The following MYO1H variants were observed in gnomAD, a reference collection of about 807,000 sequenced individuals.
MYO1H encodes the protein unconventional myosin-Ih.
A neutral mutation model predicts 149.3 loss-of-function variants in MYO1H; 118 were observed. The ratio of observed to expected loss-of-function variants is 0.79; its 90% CI spans 0.68 to 0.92. The LOEUF (loss-of-function observed/expected upper bound fraction) is 0.92, where lower values mean the gene tolerates loss of function less well. MYO1H is among the 40% of genes least tolerant of loss of function. The pLI, the probability that MYO1H is intolerant of heterozygous loss-of-function variation, is 0.00. For synonymous variants in MYO1H, 447 were observed against 465.2 expected, an observed-to-expected ratio of 0.96 and a Z score of 0.50; for missense variants, 1,212 against 1,280.7, an observed-to-expected ratio of 0.95 and a Z score of 0.82.
chr12:109,423,641 G>C (rs1248950207), intron 16 of MYO1H, among the ~76,000 whole-genome samples: 1 of 152,126 alleles, frequency 6.6e-6, no homozygotes, highest in Non-Finnish European at 1.5e-5. Flanking sequence ...CTACCTCTAT[G>C]AACTTCAGTC....
At chr12:109,407,336 T>C (rs2137058614) in intron 9 of MYO1H, among the ~76,000 whole-genome samples, 1 of 152,244 alleles carries the variant, frequency 6.6e-6, no homozygotes, top group Admixed American at 6.5e-5. Context: ...AGGTCAGGAC[T>C]GTGTGTCTGG....
chr12:109,374,820 A>G (rs1869055599), intron 1 of MYO1H, among the ~76,000 whole-genome samples: 1 of 151,492 alleles, frequency 6.6e-6, no homozygotes, highest in African/African-American at 2.4e-5. Context: ...ATTCCGGTGC[A>G]TATTAATTTG....
intron 1 of MYO1H, among the ~76,000 whole-genome samples, chr12:109,383,121 C>G (rs986969070): frequency 2.0e-5 from 3 of 152,070 alleles, no homozygotes; most frequent in Admixed American, 1.3e-4. Flanking sequence ...CAGTGAAACT[C>G]TCACCCCCTA....
intron 10 of MYO1H, among the ~76,000 whole-genome samples, chr12:109,409,240 C>CTTTTTTTTTTT (rs1870542742): frequency 4.4e-5 from 4 of 91,032 alleles, no homozygotes; most frequent in Non-Finnish European, 7.9e-5. Context: ...TCTTCTTCTT[C>CTTTTTTTTTTT]TTCTTCTTTT....
chr12:109,364,171 TAAAAAAAAAAA>T (rs746308903), intron 1 of MYO1H, among the ~76,000 whole-genome samples: 10 of 90,266 alleles, frequency 1.1e-4, no homozygotes, highest in Non-Finnish European at 2.0e-4. Context: ...ACCATGTCTT[TAAAAAAAAAAA>T]AAAAAAAAAA....
At chr12:109,314,315 A>G in the MYO1H span, among the ~76,000 whole-genome samples, 1 of 149,772 alleles carries the variant, frequency 6.7e-6, no homozygotes, top group Non-Finnish European at 1.5e-5. Flanking sequence ...ATTGATACTC[A>G]CCAGGCCCTG....
chr12:109,346,480 G>A (rs1283517002), upstream of MYO1H, among the ~76,000 whole-genome samples: 1 of 152,146 alleles, frequency 6.6e-6, no homozygotes, highest in Admixed American at 6.5e-5. Flanking sequence ...AATCATATAG[G>A]CCAGGCGCGA....
chr12:109,436,391 G>A, intron 21 of MYO1H, 97 bp from the exon 22 acceptor site: 1 of 792,146 alleles, frequency 1.3e-6, no homozygotes, highest in Admixed American at 2.1e-5. Context: ...GGACTTTGAT[G>A]CCCCCTTCCA....
chr12:109,314,236 T>TA, the MYO1H span, among the ~76,000 whole-genome samples: 178 of 141,092 alleles, frequency 1.3e-3, 1 homozygote, highest in African/African-American at 3.9e-3. Context: ...TTAAGCTTTT[T>TA]AAAAAAAAAA....
chr12:109,354,021 G>T (rs1868526009), intron 1 of MYO1H: 1 of 143,286 alleles, frequency 7.0e-6, no homozygotes, highest in Non-Finnish European at 1.5e-5. Context: ...ATTTTTTCCA[G>T]AATGTCTAAA....
At chr12:109,318,960 GTTTTTGGTTTTGTTTTTT>G in the MYO1H span, among the ~76,000 whole-genome samples, 2 of 77,938 alleles carry the variant, frequency 2.6e-5, no homozygotes, top group East Asian at 3.9e-4. Context: ...AACTCTCTGC[GTTTTTGGTTTTGTTTTTT>G]TTTTTTTTTT....
chr12:109,334,604 T>C, the MYO1H span, among the ~76,000 whole-genome samples: 6 of 152,208 alleles, frequency 3.9e-5, no homozygotes. Context: ...TCTCACAAGC[T>C]CAAGTTTCCT....
chr12:109,411,779 C>A, intron 13 of MYO1H, 115 bp from the exon 14 acceptor site: 1 of 676,840 alleles, frequency 1.5e-6, no homozygotes, highest in East Asian at 3.1e-5. Flanking sequence ...CCTGCACTTA[C>A]ATGAATTGAC....
At chr12:109,364,009 T>C (rs1432178606) in intron 1 of MYO1H, among the ~76,000 whole-genome samples, 1 of 151,282 alleles carries the variant, frequency 6.6e-6, no homozygotes, top group Non-Finnish European at 1.5e-5. Context: ...AGACCAGCTT[T>C]ACCAACATGG....
At chr12:109,445,813 GAAA>G (rs950193112) in intron 31 of MYO1H, 13 of 985,148 alleles carry the variant, frequency 1.3e-5, no homozygotes, top group Non-Finnish European at 1.3e-5. Flanking sequence ...AATGAGAAAA[GAAA>G]AAAAGCTTAA....
chr12:109,444,867 C>CAAAAAA (rs57782261), intron 30 of MYO1H, among the ~76,000 whole-genome samples: 1 of 136,950 alleles, frequency 7.3e-6, no homozygotes, highest in Non-Finnish European at 1.6e-5. Flanking sequence ...GACAATGTCT[C>CAAAAAA]AAAAAAAAAA....
At chr12:109,314,284 A>G in the MYO1H span, among the ~76,000 whole-genome samples, 4 of 147,716 alleles carry the variant, frequency 2.7e-5, no homozygotes, top group South Asian at 2.1e-4. Context: ...CTGAATATCT[A>G]TCTCCATTGT....
the MYO1H span, among the ~76,000 whole-genome samples, chr12:109,311,468 T>G: frequency 6.6e-6 from 1 of 152,236 alleles, no homozygotes; most frequent in Non-Finnish European, 1.5e-5. Flanking sequence ...TGTTTTTCCC[T>G]TATATAAATA....
chr12:109,437,145 T>A (rs1871894720), intron 22 of MYO1H, among the ~76,000 whole-genome samples: 2 of 152,080 alleles, frequency 1.3e-5, no homozygotes, highest in African/African-American at 4.8e-5. Context: ...GTTTCAAACA[T>A]ACAAGTACCC....
Sources: gnomAD v4.1 joint callset for allele counts (sites outside exome capture counted in the v4.1 genomes callset) on GRCh38, gnomAD v4.1.1 for gene constraint, MANE v1.5 for transcripts, NCBI Gene and HGNC (gene_info 2026-07-23, HGNC 2026-07-21) for gene names.